NOS1AP: variants seen among roughly 807,000 people sequenced by gnomAD.
NOS1AP encodes nitric oxide synthase 1 adaptor protein.
In NOS1AP, 21 loss-of-function variants were observed where a neutral mutation model predicts 56.2. The observed-to-expected ratio is 0.37, with a 90% CI of 0.26 to 0.54. NOS1AP has a LOEUF of 0.54. Ranked by LOEUF, NOS1AP falls within the 20% of genes least tolerant of loss-of-function variation. The pLI, the probability that NOS1AP is intolerant of heterozygous loss-of-function variation, is 0.84. For synonymous variants in NOS1AP, 270 were observed against 274.6 expected (o/e 0.98, Z 0.17); for missense variants, 522 against 657.8 (o/e 0.79, Z 2.26).
chr1:162,081,488 C>A (rs1203577906), intron 1 of NOS1AP, among the ~76,000 whole-genome samples: 2 of 150,910 alleles, frequency 1.3e-5, no homozygotes, highest in Non-Finnish European at 2.9e-5. Flanking sequence ...CATTTCCTGT[C>A]CAGTGTGGCA....
chr1:162,315,063 G>A (rs556407579), intron 4 of NOS1AP, among the ~76,000 whole-genome samples: 97 of 152,340 alleles, frequency 6.4e-4, no homozygotes, highest in African/African-American at 2.1e-3. Context: ...GATTATTAAA[G>A]GGAAGAGGAT....
At chr1:162,279,536 T>C (rs1654851220) in intron 2 of NOS1AP, among the ~76,000 whole-genome samples, 1 of 152,244 alleles carries the variant, frequency 6.6e-6, no homozygotes, top group African/African-American at 2.4e-5. Context: ...GAATATTTCC[T>C]GCCCCAAAGC....
At chr1:162,334,407 A>G (rs1359890431) in intron 5 of NOS1AP, among the ~76,000 whole-genome samples, 2 of 152,188 alleles carry the variant, frequency 1.3e-5, no homozygotes, top group African/African-American at 4.8e-5. Context: ...GCATTAAAGA[A>G]CTGATAGAAA....
chr1:162,242,064 T>G (rs917066914), intron 2 of NOS1AP, among the ~76,000 whole-genome samples: 2 of 152,236 alleles, frequency 1.3e-5, no homozygotes, highest in African/African-American at 2.4e-5. Context: ...GAAGTTCATT[T>G]GTTCTTTTTA....
At chr1:162,303,036 T>G (rs1457723967) in intron 4 of NOS1AP, among the ~76,000 whole-genome samples, 4 of 152,244 alleles carry the variant, frequency 2.6e-5, no homozygotes, top group Non-Finnish European at 5.9e-5. Flanking sequence ...TGATCTGTTT[T>G]ATAGGTATAT....
chr1:162,252,784 T>C (rs1414817565), intron 2 of NOS1AP, among the ~76,000 whole-genome samples: 2 of 152,224 alleles, frequency 1.3e-5, no homozygotes, highest in Non-Finnish European at 2.9e-5. Flanking sequence ...TGTGGCAATT[T>C]AAGTTTCAAT....
At chr1:162,074,729 A>G (rs1691733200) in intron 1 of NOS1AP, among the ~76,000 whole-genome samples, 1 of 152,152 alleles carries the variant, frequency 6.6e-6, no homozygotes, top group Non-Finnish European at 1.5e-5. Context: ...TCTGTTGCTT[A>G]TGGCGTTGAC....
Position 162,343,821 on chromosome 1 carries a change from T to C in NOS1AP, c.454-14T>C, listed in dbSNP as rs1477949712. The C allele has an allele frequency of 6.2e-7, 1 of 1,613,968 alleles. No homozygotes were observed. The highest frequency in any genetic ancestry group is 8.5e-7 in the Non-Finnish European group (1 of 1,179,970). On this transcript the variant is annotated splice_polypyrimidine_tract_variant and intron_variant, in intron 5 of 9. Transcript: ENST00000361897. ...ATCCTCACCCATCCTGTTCTTCTCCTTTCTCCTTCCCAGAGCCAAGCTATG... is the reference window on the plus strand; with the variant it reads ...ATCCTCACCCATCCTGTTCTTCTCCCTTCTCCTTCCCAGAGCCAAGCTATG...
intron 2 of NOS1AP, among the ~76,000 whole-genome samples, chr1:162,263,168 G>C (rs1654293181): frequency 6.6e-6 from 1 of 152,164 alleles, no homozygotes; most frequent in African/African-American, 2.4e-5. Flanking sequence ...GAGCCATATA[G>C]AAATTTCAGT....
At chr1:162,299,637 T>C (rs1227360862) in intron 3 of NOS1AP, among the ~76,000 whole-genome samples, 1 of 152,234 alleles carries the variant, frequency 6.6e-6, no homozygotes. Flanking sequence ...TTTTTGGCTG[T>C]AACTGAAGTT....
intron 1 of NOS1AP, among the ~76,000 whole-genome samples, chr1:162,079,902 T>C (rs1414318132): frequency 1.3e-5 from 2 of 152,212 alleles, no homozygotes; most frequent in Non-Finnish European, 2.9e-5. Context: ...ATGACTACTT[T>C]GTGGGCTTAA....
intron 2 of NOS1AP, among the ~76,000 whole-genome samples, chr1:162,267,387 T>A (rs1408474775): frequency 1.3e-5 from 2 of 152,222 alleles, no homozygotes; most frequent in African/African-American, 4.8e-5. Context: ...TCCTTTTCTC[T>A]CTTGAAGCCC....
chr1:162,292,734 G>GTAT (rs1242601219), intron 3 of NOS1AP, among the ~76,000 whole-genome samples: 1 of 152,216 alleles, frequency 6.6e-6, no homozygotes, highest in African/African-American at 2.4e-5. Flanking sequence ...TGTCATGGGT[G>GTAT]TATTACATCA....
chr1:162,245,653 T>C (rs1366098678), intron 2 of NOS1AP, among the ~76,000 whole-genome samples: 1 of 152,256 alleles, frequency 6.6e-6, no homozygotes, highest in Non-Finnish European at 1.5e-5. Context: ...CCATCAGCAA[T>C]TGCTTTTTAG....
intron 2 of NOS1AP, among the ~76,000 whole-genome samples, chr1:162,249,035 AC>A (rs1653765987): frequency 6.6e-6 from 1 of 152,074 alleles, no homozygotes; most frequent in Admixed American, 6.6e-5. Flanking sequence ...CCATCTCCAG[AC>A]CAGCTCAGTG....
intron 1 of NOS1AP, among the ~76,000 whole-genome samples, chr1:162,089,524 T>C (rs1342136423): frequency 6.6e-6 from 1 of 152,234 alleles, no homozygotes; most frequent in Non-Finnish European, 1.5e-5. Context: ...TCAAAAAGTA[T>C]TCATGTCTTA....
intron 1 of NOS1AP, among the ~76,000 whole-genome samples, chr1:162,143,646 G>T (rs1476807389): frequency 6.6e-6 from 1 of 151,956 alleles, no homozygotes; most frequent in Non-Finnish European, 1.5e-5. Flanking sequence ...ATTTTTTATA[G>T]AGATAGGATC....
rs1216098478 is a variant in NOS1AP at position 162,362,551 on chromosome 1, TG to T, written c.940-2852del. On this transcript the variant is annotated intron_variant, in intron 8 of 9. Coordinates refer to ENST00000361897, the MANE Select transcript of NOS1AP (RefSeq NM_014697.3). ...CCTCAATAAGTGCCAGTTAGAGGTA[TG>T]CAGGATTCTCTACTTTCTTTGTTTA... Among the ~76,000 whole-genome samples, 3 of 152,216 alleles carry T rather than the reference TG, an allele frequency of 2.0e-5. No individual in the cohort carries two copies. In the East Asian group the frequency reaches 5.8e-4, roughly 29 times the overall value.
intron 1 of NOS1AP, among the ~76,000 whole-genome samples, chr1:162,106,321 C>A (rs1647505262): frequency 6.6e-6 from 1 of 152,088 alleles, no homozygotes; most frequent in Admixed American, 6.5e-5. Flanking sequence ...CTGGTCAGTC[C>A]CAATGTGAGA....
Sources: gnomAD v4.1 joint callset for allele counts (sites outside exome capture counted in the v4.1 genomes callset) on GRCh38, gnomAD v4.1.1 for gene constraint, MANE v1.5 for transcripts, NCBI Gene and HGNC (gene_info 2026-07-23, HGNC 2026-07-21) for gene names.